Variants in FGGY observed in about 807,000 individuals in gnomAD.
FGGY encodes FGGY carbohydrate kinase domain containing.
A neutral mutation model predicts 71.3 loss-of-function variants in FGGY; 72 were observed. The observed-to-expected ratio is 1.01, with a 90% confidence interval of 0.84 to 1.23. The LOEUF is 1.23. Among genes scored for constraint, FGGY ranks in the 50% most tolerant of loss-of-function variants. The pLI, the probability that FGGY is intolerant of heterozygous loss-of-function variation, is 0.00. For missense variants in FGGY, 668 were observed against 682.3 expected (o/e 0.98, Z 0.23); for synonymous variants, 251 against 250.3 (o/e 1.00, Z -0.02).
intron 8 of FGGY, among the ~76,000 whole-genome samples, chr1:59,593,617 CTTACTGTATAGT>C (rs2096484235): frequency 6.6e-6 from 1 of 152,154 alleles, no homozygotes; most frequent in African/African-American, 2.4e-5. Flanking sequence ...TTTAAAAATT[CTTACTGTATAGT>C]TTACCTTTCA....
intron 5 of FGGY, among the ~76,000 whole-genome samples, chr1:59,387,475 G>T (rs771555777): frequency 1.3e-5 from 2 of 151,844 alleles, no homozygotes; most frequent in Admixed American, 6.6e-5. Flanking sequence ...GTATGTCATT[G>T]TCAATTACTA....
At chr1:59,376,135 C>A (rs1401041342) in intron 4 of FGGY, among the ~76,000 whole-genome samples, 1 of 152,146 alleles carries the variant, frequency 6.6e-6, no homozygotes, top group Non-Finnish European at 1.5e-5. Flanking sequence ...CAAAGGCTAC[C>A]ATTTTCTGAC....
intron 8 of FGGY, among the ~76,000 whole-genome samples, chr1:59,576,283 G>A (rs1160242455): frequency 1.3e-5 from 2 of 152,070 alleles, no homozygotes; most frequent in Admixed American, 1.3e-4. Flanking sequence ...ATCATTCTCA[G>A]CAAACTAACA....
chr1:59,329,379 G>A (rs1460477719), intron 2 of FGGY, among the ~76,000 whole-genome samples: 1 of 152,254 alleles, frequency 6.6e-6, no homozygotes, highest in Non-Finnish European at 1.5e-5. Flanking sequence ...AGCACATGCT[G>A]TTGGAAAAAT....
chr1:59,345,474 G>T (rs1482161886), intron 3 of FGGY, among the ~76,000 whole-genome samples: 1 of 152,052 alleles, frequency 6.6e-6, no homozygotes, highest in Non-Finnish European at 1.5e-5. Flanking sequence ...GATATGAGGG[G>T]CAGTGCTCCT....
At chr1:59,722,593 G>A (rs568194431) in intron 14 of FGGY, among the ~76,000 whole-genome samples, 111 of 152,256 alleles carry the variant, frequency 7.3e-4, no homozygotes, top group African/African-American at 2.6e-3. Context: ...TTACTCAGTT[G>A]TTCCAGTTGT....
intron 8 of FGGY, among the ~76,000 whole-genome samples, chr1:59,579,722 C>T (rs1030021366): frequency 6.6e-6 from 1 of 152,156 alleles, no homozygotes; most frequent in Non-Finnish European, 1.5e-5. Flanking sequence ...CTGACTGTCT[C>T]CCTGTTTTTA....
intron 6 of FGGY, among the ~76,000 whole-genome samples, chr1:59,494,208 G>T (rs1185538815): frequency 1.3e-5 from 2 of 152,170 alleles, no homozygotes; most frequent in African/African-American, 4.8e-5. Flanking sequence ...CAGTAAGCAA[G>T]TATATACATA....
intron 1 of FGGY, among the ~76,000 whole-genome samples, chr1:59,303,083 A>G (rs528173031): frequency 6.6e-6 from 1 of 152,328 alleles, no homozygotes; most frequent in African/African-American, 2.4e-5. Context: ...GATTACCACA[A>G]TCAAGCTAAT....
chr1:59,632,028 C>T (rs1394209121), intron 10 of FGGY, among the ~76,000 whole-genome samples: 3 of 152,168 alleles, frequency 2.0e-5, no homozygotes, highest in Admixed American at 2.0e-4. Context: ...TCCACAAGTG[C>T]TAGATTCAAG....
At chr1:59,662,821 T>G (rs1301766119) in intron 12 of FGGY, among the ~76,000 whole-genome samples, 1 of 152,214 alleles carries the variant, frequency 6.6e-6, no homozygotes, top group Admixed American at 6.5e-5. Flanking sequence ...CTATGATGTT[T>G]GCATGACAAA....
chr1:59,665,920 G>A (rs541121523), intron 12 of FGGY, among the ~76,000 whole-genome samples: 17 of 152,152 alleles, frequency 1.1e-4, no homozygotes, highest in Admixed American at 2.0e-4. Context: ...TGATCCGCCC[G>A]CCTTGGCCTC....
intron 14 of FGGY, among the ~76,000 whole-genome samples, chr1:59,688,694 A>G (rs12068354): frequency 0.029 from 4,366 of 151,834 alleles, 209 homozygotes; most frequent in African/African-American, 0.1. Flanking sequence ...TGCTCTTTCC[A>G]CTTGGGGACG....
At chr1:59,346,135 A>G in intron 3 of FGGY, 112 bp from the exon 4 acceptor site, 2 of 1,377,120 alleles carry the variant, frequency 1.5e-6, no homozygotes, top group Non-Finnish European at 9.9e-7. Flanking sequence ...CTCTTGATAC[A>G]TAAAATTATA....
chr1:59,515,610 G>A (rs925904925), intron 7 of FGGY, among the ~76,000 whole-genome samples: 14 of 152,172 alleles, frequency 9.2e-5, no homozygotes, highest in African/African-American at 3.4e-4. Flanking sequence ...GACTTAGGGG[G>A]AGGGAATTGA....
chr1:59,656,085 A>G (rs1420568135), intron 11 of FGGY, among the ~76,000 whole-genome samples: 1 of 152,220 alleles, frequency 6.6e-6, no homozygotes, highest in Non-Finnish European at 1.5e-5. Context: ...CCCTAATATT[A>G]ATTGTAAGAG....
At chr1:59,738,817 C>A (rs374020677) in intron 14 of FGGY, among the ~76,000 whole-genome samples, 46 of 152,168 alleles carry the variant, frequency 3.0e-4, no homozygotes, top group African/African-American at 1.1e-3. Context: ...TGAGGAAATT[C>A]CATAAATGGG....
chr1:59,621,061 G>C (rs2096801687), intron 9 of FGGY, among the ~76,000 whole-genome samples: 2 of 152,104 alleles, frequency 1.3e-5, no homozygotes, highest in African/African-American at 4.8e-5. Context: ...CTAACTTGTA[G>C]ATGGCTGCCT....
At chr1:59,381,253 T>C (rs987698109) in intron 5 of FGGY, among the ~76,000 whole-genome samples, 47 of 152,326 alleles carry the variant, frequency 3.1e-4, no homozygotes, top group African/African-American at 1.1e-3. Flanking sequence ...TCTTTTGGCT[T>C]AGGATTGTCT....
Sources: allele counts gnomAD v4.1 joint callset (sites outside exome capture counted in the v4.1 genomes callset), GRCh38; gene constraint gnomAD v4.1.1; transcripts MANE v1.5; gene names NCBI Gene and HGNC (gene_info 2026-07-23, HGNC 2026-07-21).